The following GABRB2 variants were observed in gnomAD, a reference collection of about 807,000 sequenced individuals.
The protein encoded by GABRB2 is gamma-aminobutyric acid type A receptor subunit beta2.
GABRB2 carries 16 observed loss-of-function variants against 54.7 expected under a neutral mutation model. The observed-to-expected ratio is 0.29, with a 90% CI of 0.20 to 0.44. The LOEUF is 0.44. GABRB2 is among the 20% of genes least tolerant of loss of function. The pLI is 1.00. For synonymous variants in GABRB2, 244 were observed against 233.8 expected (o/e 1.04, Z -0.40); for missense variants, 355 against 644.0 (o/e 0.55, Z 4.86).
At chr5:161,532,666 T>C (rs902006444) in intron 3 of GABRB2, among the ~76,000 whole-genome samples, 11 of 152,112 alleles carry the variant, frequency 7.2e-5, no homozygotes, top group African/African-American at 2.2e-4. Context: ...ACTTCCCCCA[T>C]AGGGCAATTA....
chr5:161,295,739 A>G (rs1757364494), intron 9 of GABRB2, among the ~76,000 whole-genome samples: 1 of 152,232 alleles, frequency 6.6e-6, no homozygotes, highest in African/African-American at 2.4e-5. Context: ...TGAGAAATAG[A>G]AGCTATGAAA....
chr5:161,512,876 T>A (rs1759820430), intron 3 of GABRB2, among the ~76,000 whole-genome samples: 1 of 150,846 alleles, frequency 6.6e-6, no homozygotes, highest in Non-Finnish European at 1.5e-5. Flanking sequence ...GCAAAAAAAA[T>A]TAAAAACTGG....
At chr5:161,305,810 A>G (rs1451961788) in intron 9 of GABRB2, among the ~76,000 whole-genome samples, 1 of 152,254 alleles carries the variant, frequency 6.6e-6, no homozygotes, top group East Asian at 1.9e-4. Context: ...TCTAATGCAC[A>G]GGAGTAAAGG....
chr5:161,383,929 G>C (rs889708667), intron 5 of GABRB2, among the ~76,000 whole-genome samples: 2 of 152,124 alleles, frequency 1.3e-5, no homozygotes, highest in Admixed American at 1.3e-4. Flanking sequence ...ATATATACGC[G>C]CAAGCTGGAG....
chr5:161,340,605 T>A (rs556754777), intron 5 of GABRB2, among the ~76,000 whole-genome samples: 2 of 152,080 alleles, frequency 1.3e-5, no homozygotes, highest in African/African-American at 4.8e-5. Flanking sequence ...CTCTTTGTCT[T>A]TTGTTTCTCA....
chr5:161,496,427 T>A (rs1247521704), intron 3 of GABRB2, among the ~76,000 whole-genome samples: 2 of 152,054 alleles, frequency 1.3e-5, no homozygotes, highest in Non-Finnish European at 2.9e-5. Context: ...AGCTAGTTAT[T>A]TAACAACATA....
chr5:161,544,551 G>A (rs1230265753), intron 3 of GABRB2, among the ~76,000 whole-genome samples: 1 of 152,200 alleles, frequency 6.6e-6, no homozygotes, highest in Admixed American at 6.5e-5. Context: ...GTCCACGGAG[G>A]CAGCCACTAA....
intron 3 of GABRB2, among the ~76,000 whole-genome samples, chr5:161,536,094 T>G (rs1421094172): frequency 1.3e-5 from 2 of 152,186 alleles, no homozygotes; most frequent in Admixed American, 6.5e-5. Flanking sequence ...GCCACCGGAA[T>G]AGTGAACCAA....
At chr5:161,512,669 G>A (rs1370273763) in intron 3 of GABRB2, among the ~76,000 whole-genome samples, 11 of 151,994 alleles carry the variant, frequency 7.2e-5, no homozygotes, top group Admixed American at 7.2e-4. Flanking sequence ...AAGAATTTAT[G>A]ACTAAGTCCC....
chr5:161,390,729 T>C (rs1200335655), intron 5 of GABRB2, among the ~76,000 whole-genome samples: 2 of 152,152 alleles, frequency 1.3e-5, no homozygotes, highest in Non-Finnish European at 2.9e-5. Flanking sequence ...ATCTGAGAGC[T>C]AACACTTCTT....
intron 4 of GABRB2, among the ~76,000 whole-genome samples, chr5:161,431,875 T>G (rs550627656): frequency 6.6e-6 from 1 of 152,314 alleles, no homozygotes; most frequent in East Asian, 1.9e-4. Context: ...TTTAAGTAGA[T>G]ACTGAACTGG....
At chr5:161,335,497 C>T (rs1753966774) in intron 6 of GABRB2, among the ~76,000 whole-genome samples, 1 of 152,096 alleles carries the variant, frequency 6.6e-6, no homozygotes, top group Non-Finnish European at 1.5e-5. Context: ...GTGGGAGATA[C>T]AACTAAAGAA....
At chr5:161,369,416 A>C (rs1278326083) in intron 5 of GABRB2, among the ~76,000 whole-genome samples, 1 of 152,176 alleles carries the variant, frequency 6.6e-6, no homozygotes, top group Non-Finnish European at 1.5e-5. Flanking sequence ...CAAACATATG[A>C]GTGAATAGCC....
intron 5 of GABRB2, among the ~76,000 whole-genome samples, chr5:161,381,989 G>T (rs1389669472): frequency 6.6e-6 from 1 of 152,152 alleles, no homozygotes. Flanking sequence ...TTATCTGGTT[G>T]CATGTTCAGC....
At chr5:161,450,087 G>A (rs1757748364) in intron 4 of GABRB2, among the ~76,000 whole-genome samples, 1 of 152,092 alleles carries the variant, frequency 6.6e-6, no homozygotes, top group African/African-American at 2.4e-5. Context: ...ACATTCTTCA[G>A]GCCTGCAATA....
At chr5:161,537,789 A>G (rs1460000049) in intron 3 of GABRB2, among the ~76,000 whole-genome samples, 3 of 152,080 alleles carry the variant, frequency 2.0e-5, no homozygotes, top group Non-Finnish European at 4.4e-5. Context: ...TTATTGAGCA[A>G]GACACAAAAA....
intron 5 of GABRB2, among the ~76,000 whole-genome samples, chr5:161,347,563 A>T (rs1232878490): frequency 6.6e-6 from 1 of 152,020 alleles, no homozygotes; most frequent in Non-Finnish European, 1.5e-5. Flanking sequence ...TTATGCTGCA[A>T]ACAGGCCTTG....
At chr5:161,431,081 G>C (rs1211566217) in intron 4 of GABRB2, among the ~76,000 whole-genome samples, 3 of 152,096 alleles carry the variant, frequency 2.0e-5, no homozygotes, top group Non-Finnish European at 2.9e-5. Context: ...TTGGAACCAG[G>C]CTTGGAAATA....
intron 5 of GABRB2, among the ~76,000 whole-genome samples, chr5:161,363,049 A>C (rs926393284): frequency 6.6e-6 from 1 of 152,180 alleles, no homozygotes; most frequent in Admixed American, 6.5e-5. Context: ...AAGGATTATA[A>C]ATCATTCTGC....
Sources: gnomAD v4.1 joint callset for allele counts (sites outside exome capture counted in the v4.1 genomes callset) on GRCh38, gnomAD v4.1.1 for gene constraint, MANE v1.5 for transcripts, NCBI Gene and HGNC (gene_info 2026-07-23, HGNC 2026-07-21) for gene names.